Variants in LARP1B observed in about 807,000 individuals in gnomAD.
LARP1B encodes La ribonucleoprotein 1B.
LARP1B carries 76 observed loss-of-function variants against 114.2 expected under a neutral mutation model. The observed-to-expected ratio is 0.67, with a 90% CI of 0.55 to 0.81. LARP1B has a LOEUF of 0.81. LARP1B is among the 30% of genes least tolerant of loss of function. LARP1B has a pLI of 0.00. For missense variants in LARP1B, 1,014 were observed against 1,075.8 expected (o/e 0.94, Z 0.80); for synonymous variants, 345 against 348.0 (o/e 0.99, Z 0.10).
intron 8 of LARP1B, among the ~76,000 whole-genome samples, chr4:128,098,769 T>TG (rs1561201033): frequency 6.9e-5 from 1 of 14,432 alleles, no homozygotes; most frequent in African/African-American, 2.7e-4. Flanking sequence ...ATATATATAT[T>TG]TTTTTTTTTT....
chr4:128,063,423 C>T (rs1326490108), intron 1 of LARP1B, among the ~76,000 whole-genome samples: 1 of 66,176 alleles, frequency 1.5e-5, no homozygotes, highest in Non-Finnish European at 2.6e-5. Context: ...GTGAGACCCA[C>T]TCTCAAAAAA....
intron 7 of LARP1B, among the ~76,000 whole-genome samples, chr4:128,095,068 A>G (rs922352891): frequency 6.6e-6 from 1 of 152,194 alleles, no homozygotes; most frequent in Non-Finnish European, 1.5e-5. Flanking sequence ...TTAGAATTTT[A>G]ACACATGTAT....
downstream of LARP1B, among the ~76,000 whole-genome samples, chr4:128,213,240 TTTTAATCATTTTAAATGA>T (rs1453469814): frequency 1.3e-5 from 2 of 151,994 alleles, no homozygotes; most frequent in African/African-American, 4.8e-5. Flanking sequence ...AATGTCACCA[TTTTAATCATTTTAAATGA>T]TTTAATCATT....
At chr4:128,088,009 A>C (rs984097460) in intron 5 of LARP1B, among the ~76,000 whole-genome samples, 3 of 152,004 alleles carry the variant, frequency 2.0e-5, no homozygotes, top group African/African-American at 7.2e-5. Flanking sequence ...AATATATAAG[A>C]AAATAGACAA....
In LARP1B at chr4:128,107,330, T is replaced by G; in HGVS notation, c.988+17T>G. ...CACATACAGGTAACATCTTTTCTTCTAGAGCAAACGATGTAACAGTGGGTT... is the reference window on the plus strand; with the variant it reads ...CACATACAGGTAACATCTTTTCTTCGAGAGCAAACGATGTAACAGTGGGTT... On this transcript the variant is annotated intron_variant, in intron 9 of 19. Transcript: ENST00000326639. 1 of 1,613,322 alleles carries G rather than the reference T, an allele frequency of 6.2e-7. No homozygotes were observed. Among genetic ancestry groups the G allele is most frequent in the Non-Finnish European group, 8.5e-7 (1 of 1,179,528 alleles).
chr4:128,065,315 T>TTCTTTCTTTCTC (rs1300396452), intron 1 of LARP1B, among the ~76,000 whole-genome samples: 8 of 80,586 alleles, frequency 9.9e-5, no homozygotes, highest in Non-Finnish European at 1.3e-4. Context: ...CTTTCTTTCT[T>TTCTTTCTTTCTC]TCTCTCTCTC....
At chr4:128,177,817 G>T (rs1265614266) in intron 13 of LARP1B, among the ~76,000 whole-genome samples, 14 of 152,106 alleles carry the variant, frequency 9.2e-5, no homozygotes, top group Admixed American at 9.2e-4. Context: ...TTTCCACTCA[G>T]ATATAAACCC....
intron 11 of LARP1B, among the ~76,000 whole-genome samples, chr4:128,146,403 T>TTA (rs1179321854): frequency 6.6e-6 from 1 of 152,214 alleles, no homozygotes; most frequent in Non-Finnish European, 1.5e-5. Flanking sequence ...TAGGACTTTG[T>TTA]TATACTATTC....
At chr4:128,068,190 GTA>G (rs1302214393) in intron 1 of LARP1B, among the ~76,000 whole-genome samples, 1 of 151,960 alleles carries the variant, frequency 6.6e-6, no homozygotes, top group African/African-American at 2.4e-5. Flanking sequence ...AATAATTTTT[GTA>G]TATTTAGTAG....
chr4:128,184,077 G>C (rs1199738884), intron 15 of LARP1B, among the ~76,000 whole-genome samples: 1 of 152,190 alleles, frequency 6.6e-6, no homozygotes, highest in Non-Finnish European at 1.5e-5. Flanking sequence ...TCCTGGTGAA[G>C]ATTCTGTGAA....
At chr4:128,078,385 G>T (rs1216937663) in intron 4 of LARP1B, among the ~76,000 whole-genome samples, 1 of 152,180 alleles carries the variant, frequency 6.6e-6, no homozygotes, top group African/African-American at 2.4e-5. Flanking sequence ...GGAGGCTGAG[G>T]CAGGCGGACC....
intron 10 of LARP1B, among the ~76,000 whole-genome samples, chr4:128,118,167 C>T (rs1201195837): frequency 7.5e-6 from 1 of 134,152 alleles, no homozygotes; most frequent in Non-Finnish European, 1.5e-5. Context: ...CTCTAGTGAT[C>T]CACCCACCTC....
intron 5 of LARP1B, among the ~76,000 whole-genome samples, chr4:128,086,345 T>C (rs755959672): frequency 6.6e-6 from 1 of 152,046 alleles, no homozygotes; most frequent in South Asian, 2.1e-4. Flanking sequence ...TGTTCCTTTT[T>C]TTGAGACAGG....
chr4:128,136,334 A>G (rs1580863453), intron 11 of LARP1B, among the ~76,000 whole-genome samples: 1 of 150,828 alleles, frequency 6.6e-6, no homozygotes, highest in African/African-American at 2.5e-5. Context: ...AAAAACAAAA[A>G]AACAAAACAA....
chr4:128,140,824 G>T (rs142789534), intron 11 of LARP1B, among the ~76,000 whole-genome samples: 2 of 138,602 alleles, frequency 1.4e-5, no homozygotes, highest in African/African-American at 2.6e-5. Context: ...AATTGTCTCT[G>T]TTTTTTTTTT....
chr4:128,129,971 C>G (rs1377288381), intron 11 of LARP1B, among the ~76,000 whole-genome samples: 3 of 152,146 alleles, frequency 2.0e-5, no homozygotes, highest in African/African-American at 7.2e-5. Flanking sequence ...TTTTTAGATT[C>G]AATACCAAAA....
At chr4:128,168,804 G>C (rs1742266047) in intron 12 of LARP1B, among the ~76,000 whole-genome samples, 2 of 150,888 alleles carry the variant, frequency 1.3e-5, no homozygotes, top group Non-Finnish European at 3.0e-5. Context: ...ATATTTGTCT[G>C]ATTTTGGTGT....
chr4:128,187,140 A>G (rs1218994249), intron 15 of LARP1B, among the ~76,000 whole-genome samples: 2 of 152,230 alleles, frequency 1.3e-5, no homozygotes, highest in African/African-American at 4.8e-5. Context: ...TCCCTCATAC[A>G]GACTCCCCAC....
intron 16 of LARP1B, among the ~76,000 whole-genome samples, chr4:128,200,302 T>C (rs545160365): frequency 6.2e-4 from 94 of 152,246 alleles, no homozygotes; most frequent in Non-Finnish European, 1.1e-3. Context: ...CATTAGATTC[T>C]CTTAAGGAGT....
Sources: allele counts gnomAD v4.1 joint callset (sites outside exome capture counted in the v4.1 genomes callset), GRCh38; gene constraint gnomAD v4.1.1; transcripts MANE v1.5; gene names NCBI Gene and HGNC (gene_info 2026-07-23, HGNC 2026-07-21).